Variants in ESCO1 observed in about 807,000 individuals in gnomAD.
The protein encoded by ESCO1 is N-acetyltransferase ESCO1.
Under a neutral mutation model 83.5 loss-of-function variants are expected in ESCO1, and 33 were observed. The observed-to-expected ratio is 0.40, with a 90% CI of 0.30 to 0.53. The LOEUF (loss-of-function observed/expected upper bound fraction) is 0.53. Ranked by LOEUF, ESCO1 falls within the 20% of genes least tolerant of loss-of-function variation. The pLI is 0.63. For missense variants in ESCO1, 855 were observed against 968.0 expected (o/e 0.88, Z 1.55); for synonymous variants, 332 against 324.3 (o/e 1.02, Z -0.25).
chr18:21,562,948 C>T (rs1313526457), intron 7 of ESCO1, among the ~76,000 whole-genome samples: 5 of 149,912 alleles, frequency 3.3e-5, no homozygotes, highest in African/African-American at 7.4e-5. Flanking sequence ...CTCAGCTCAC[C>T]GAAACCTCCA....
intron 1 of ESCO1, among the ~76,000 whole-genome samples, chr18:21,592,531 C>T (rs2038690735): frequency 6.8e-6 from 1 of 146,702 alleles, no homozygotes; most frequent in African/African-American, 2.5e-5. Context: ...ACCTCCTGGA[C>T]AGGGCGGCTG....
intron 1 of ESCO1, among the ~76,000 whole-genome samples, chr18:21,598,026 G>T (rs934674112): frequency 6.6e-6 from 1 of 152,152 alleles, no homozygotes; most frequent in Non-Finnish European, 1.5e-5. Context: ...AAATATGAAA[G>T]TCAGGGTTAC....
At chr18:21,560,830 G>T (rs1369741490) in intron 8 of ESCO1, 29 bp downstream of exon 8, 2 of 1,589,176 alleles carry the variant, frequency 1.3e-6, no homozygotes, top group Non-Finnish European at 1.7e-6. Flanking sequence ...TCTGATTTTT[G>T]CATTTTAGAA....
chr18:21,555,075 G>C lies in ESCO1; in HGVS notation c.1953+5784C>G, dbSNP rs531937748. ...CACGCCACTGCACTCCAGCCTGTGT[G>C]ACAGAGCAAGACTTCGTCTCAAACT... On this transcript the variant is annotated intron_variant, in intron 8 of 11. Transcript: ENST00000269214. Among the ~76,000 whole-genome samples the C allele has an allele frequency of 9.2e-5, 14 of 152,238 alleles. No individual in the cohort carries two copies. The East Asian group carries it at 1.9e-3, about 21-fold the overall frequency.
chr18:21,530,440 G>A lies in ESCO1; in HGVS notation c.2426C>T (p.Ser809Leu). The change falls in exon 12 of 12, where the codon TCA becomes TTA. Residue 809 changes from serine to leucine, a missense_variant. This residue lies in a region of ESCO1 where 129 missense variants were observed against 268.5 expected (regional missense o/e 0.48). Coordinates refer to ENST00000269214, the MANE Select transcript of ESCO1 (RefSeq NM_052911.3). ...CAGCTTTCCATCAGGAGTGGGATCT[G>A]AGAAAGCAATTTCTTCTTTGCTCAA... ...SYLSKEEIAF[S>L]DPTPDGKLFA... 1 of 1,523,272 alleles carries A rather than the reference G, an allele frequency of 6.6e-7. No homozygotes were observed. The highest frequency in any genetic ancestry group is 8.9e-7 in the Non-Finnish European group (1 of 1,126,372). The allele number at this position is 1,523,272 out of a possible 1,614,324, so 94.4% of individuals were successfully genotyped here.
rs796809820 is a variant in ESCO1, at chr18:21,583,173, CTCTG to C, written c.-694+1133_-694+1136del. Among the ~76,000 whole-genome samples the C allele has an allele frequency of 2.7e-4, 41 of 151,752 alleles. 1 individual carries two copies. Among genetic ancestry groups the C allele is most frequent in the African/African-American group, 9.9e-4 (41 of 41,372 alleles). ...CTCCAGCCTGGGTGACAGAGCGAGACTCTGTCTCAAAAACAAAACAAAAAAATCA... is the reference window on the plus strand; with the variant it reads ...CTCCAGCCTGGGTGACAGAGCGAGACTCTCAAAAACAAAACAAAAAAATCA... On this transcript the variant is annotated intron_variant, in intron 2 of 11. Transcript: ENST00000269214.
chr18:21,550,426 T>C (rs1598984644), intron 8 of ESCO1, among the ~76,000 whole-genome samples: 1 of 152,300 alleles, frequency 6.6e-6, no homozygotes, highest in East Asian at 1.9e-4. Context: ...AAAAGTCAAA[T>C]GGGAAGAATT....
intron 8 of ESCO1, 60 bp downstream of exon 8, chr18:21,560,799 A>T: frequency 6.3e-7 from 1 of 1,576,690 alleles, no homozygotes; most frequent in Non-Finnish European, 8.5e-7. Flanking sequence ...AACTCATCTC[A>T]TTAAGAGACC....
intron 8 of ESCO1, among the ~76,000 whole-genome samples, chr18:21,555,200 A>G (rs959984917): frequency 6.6e-6 from 1 of 152,216 alleles, no homozygotes; most frequent in Middle Eastern, 3.2e-3. Context: ...CAACTCTGAC[A>G]TTCTAGAAAA....
In ESCO1 at chr18:21,566,158, C is replaced by T. The variant is rs1288269931; in HGVS notation, c.1694G>A (p.Ser565Asn). 3 of 1,612,666 alleles carry T rather than the reference C, an allele frequency of 1.9e-6. No homozygotes were observed. The highest frequency in any genetic ancestry group is 2.7e-5 in the African/African-American group (2 of 74,868). ...HSILSNQTSK[S>N]SDNRETPRNH... ...ATTAATAGCTTACCTGTTATCACTG[C>T]TTTTAGATGTCTGGTTACTGAGAAT... Residue 565 changes from serine to asparagine, a missense_variant, in exon 6 of 12, where the codon AGC becomes AAC. Physicochemically the swap from Ser to Asn is conservative, Grantham distance 46 (BLOSUM62 1). Coordinates refer to ENST00000269214, the MANE Select transcript of ESCO1 (RefSeq NM_052911.3).
At chr18:21,550,783 G>GT (rs1227591958) in intron 8 of ESCO1, among the ~76,000 whole-genome samples, 1 of 152,184 alleles carries the variant, frequency 6.6e-6, no homozygotes, top group Non-Finnish European at 1.5e-5. Context: ...AAAGATCACT[G>GT]TAACTGTTGT....
rs1434332217 is a variant in ESCO1, at chr18:21,579,782, ACACGCGCGCGCG to A, written c.-693-4017_-693-4006del. ...CAGAGCGAGATTCTGACACACACAC[ACACGCGCGCGCG>A]CACACACACACACACACACACACAC... is the stretch of plus-strand genomic sequence containing the variant. On this transcript the variant is annotated intron_variant, in intron 2 of 11. Coordinates refer to ENST00000269214, the MANE Select transcript of ESCO1 (RefSeq NM_052911.3). Among the ~76,000 whole-genome samples, 25 of 47,248 alleles carry A rather than the reference ACACGCGCGCGCG, an allele frequency of 5.3e-4. 1 individual carries two copies. The highest frequency in any genetic ancestry group is 1.5e-3 in the African/African-American group (24 of 16,132). The allele number at this position is 47,248 out of a possible 152,430, so 31.0% of individuals were successfully genotyped here.
intron 4 of ESCO1, among the ~76,000 whole-genome samples, chr18:21,569,827 G>A (rs1427561585): frequency 6.6e-6 from 1 of 152,154 alleles, no homozygotes; most frequent in Non-Finnish European, 1.5e-5. Flanking sequence ...CTCCAGCCTG[G>A]CGACAGAGCA....
intron 1 of ESCO1, among the ~76,000 whole-genome samples, chr18:21,594,076 A>G (rs1180395107): frequency 6.6e-6 from 1 of 152,224 alleles, no homozygotes; most frequent in Non-Finnish European, 1.5e-5. Flanking sequence ...CATCCACTAG[A>G]TGCCAGTAGC....
rs568345166 is a variant in ESCO1 at position 21,534,109 on chromosome 18, G to A, written c.2188-1449C>T. On this transcript the variant is annotated intron_variant, in intron 10 of 11. Coordinates refer to ENST00000269214, the MANE Select transcript of ESCO1 (RefSeq NM_052911.3). Reference sequence around the variant, plus strand: ...TTAAACACGTAGCTTAACATATATAGAGAAACTCCTGCAAACTTGCTTTGA... The same window carrying A: ...TTAAACACGTAGCTTAACATATATAAAGAAACTCCTGCAAACTTGCTTTGA... Among the ~76,000 whole-genome samples, 7 of 152,210 alleles carry A rather than the reference G, an allele frequency of 4.6e-5. No homozygotes were observed. The South Asian group carries it at 6.2e-4, about 14-fold the overall frequency.
At chr18:21,543,143 A>T (rs1347348132) in intron 8 of ESCO1, among the ~76,000 whole-genome samples, 2 of 152,094 alleles carry the variant, frequency 1.3e-5, no homozygotes, top group Non-Finnish European at 2.9e-5. Flanking sequence ...AACAGCAAGA[A>T]ATTATTATTA....
chr18:21,573,684 T>G lies in ESCO1; in HGVS notation c.1160A>C (p.Lys387Thr). The change falls in exon 4 of 12, where the codon AAG becomes ACG. Residue 387 changes from lysine (K) to threonine (T), a missense_variant. This residue lies in a region of ESCO1 where 726 missense variants were observed against 699.5 expected (regional missense o/e 1.04). Coordinates refer to ENST00000269214, the MANE Select transcript of ESCO1 (RefSeq NM_052911.3). ...TTTAATTTTAGTCCAGTTGGAGTTCTTCTTGGCTGAGCTGTTTATTCCATT... is the reference window on the plus strand; with the variant it reads ...TTTAATTTTAGTCCAGTTGGAGTTCGTCTTGGCTGAGCTGTTTATTCCATT... ...ILNGINSSAKKNSNWTKIKLS... is the reference protein window; with the variant it reads ...ILNGINSSAKTNSNWTKIKLS... 1 of 1,614,178 alleles carries G rather than the reference T, an allele frequency of 6.2e-7. No homozygotes were observed. Among genetic ancestry groups the G allele is most frequent in the Non-Finnish European group, 8.5e-7 (1 of 1,180,024 alleles).
intron 2 of ESCO1, among the ~76,000 whole-genome samples, chr18:21,583,462 G>A (rs1033263181): frequency 2.0e-5 from 3 of 151,968 alleles, no homozygotes; most frequent in South Asian, 2.1e-4. Context: ...TGGGCAACAC[G>A]GTGAAACCCC....
chr18:21,582,763 C>T (rs996462982), intron 2 of ESCO1, among the ~76,000 whole-genome samples: 1 of 152,224 alleles, frequency 6.6e-6, no homozygotes, highest in Non-Finnish European at 1.5e-5. Context: ...ACCTATCAAA[C>T]TGGCCAAAGA....
Sources: gnomAD v4.1 joint callset for allele counts (sites outside exome capture counted in the v4.1 genomes callset) on GRCh38, gnomAD v4.1.1 for gene constraint, gnomAD v4.1.1 regional missense constraint, MANE v1.5 for transcripts, NCBI Gene and HGNC (gene_info 2026-07-23, HGNC 2026-07-21) for gene names.